Variants in C1orf21 observed in about 807,000 individuals in gnomAD.
C1orf21 encodes chromosome 1 open reading frame 21.
A neutral mutation model predicts 18.7 loss-of-function variants in C1orf21; 3 were observed. The ratio of observed to expected loss-of-function variants is 0.16; its 90% confidence interval spans 0.07 to 0.42. The LOEUF (loss-of-function observed/expected upper bound fraction) is 0.42, where lower values mean the gene tolerates loss of function less well. C1orf21 is among the 10% of genes least tolerant of loss of function. The pLI is 0.99. For synonymous variants in C1orf21, 41 were observed against 46.4 expected (o/e 0.88, Z 0.47); for missense variants, 104 against 143.6 (o/e 0.72, Z 1.41).
chr1:184,498,225 AG>A (rs1229641536), intron 2 of C1orf21, among the ~76,000 whole-genome samples: 4 of 152,186 alleles, frequency 2.6e-5, no homozygotes, highest in Non-Finnish European at 5.9e-5. Context: ...AGATGCTCAA[AG>A]GCTAATGCTT....
At chr1:184,607,006 T>C (rs1659655451) in intron 5 of C1orf21, among the ~76,000 whole-genome samples, 1 of 152,358 alleles carries the variant, frequency 6.6e-6, no homozygotes, top group Non-Finnish European at 1.5e-5. Flanking sequence ...TGAAGTATTA[T>C]GTTATTTCTG....
At chr1:184,438,610 T>G (rs1399550372) in intron 1 of C1orf21, among the ~76,000 whole-genome samples, 1 of 152,158 alleles carries the variant, frequency 6.6e-6, no homozygotes, top group Non-Finnish European at 1.5e-5. Context: ...GGCCAGTGTG[T>G]TGTTACAGGA....
chr1:184,523,719 G>C (rs772774737), intron 3 of C1orf21, among the ~76,000 whole-genome samples: 2 of 152,124 alleles, frequency 1.3e-5, no homozygotes, highest in East Asian at 1.9e-4. Flanking sequence ...TTTTGTGTAA[G>C]TCTAAAACCG....
chr1:184,445,196 A>G (rs967671159), intron 1 of C1orf21, among the ~76,000 whole-genome samples: 1 of 152,158 alleles, frequency 6.6e-6, no homozygotes, highest in African/African-American at 2.4e-5. Flanking sequence ...GCATGTGGGA[A>G]GCTGTCACTG....
intron 3 of C1orf21, among the ~76,000 whole-genome samples, chr1:184,573,689 T>C (rs1659145786): frequency 6.6e-6 from 1 of 152,106 alleles, no homozygotes; most frequent in Admixed American, 6.5e-5. Flanking sequence ...AATAATATGA[T>C]AAGTGGTGAA....
intron 1 of C1orf21, among the ~76,000 whole-genome samples, chr1:184,389,691 G>C (rs1655941282): frequency 6.6e-6 from 1 of 152,212 alleles, no homozygotes; most frequent in African/African-American, 2.4e-5. Context: ...GACCAGGCAA[G>C]CTTTGAGTTT....
At chr1:184,419,586 T>A (rs969492928) in intron 1 of C1orf21, among the ~76,000 whole-genome samples, 1 of 151,700 alleles carries the variant, frequency 6.6e-6, no homozygotes, top group Non-Finnish European at 1.5e-5. Context: ...CAATAAACAA[T>A]ACACACAGTC....
At chr1:184,500,560 G>A (rs1003283506) in intron 2 of C1orf21, among the ~76,000 whole-genome samples, 1 of 152,196 alleles carries the variant, frequency 6.6e-6, no homozygotes, top group East Asian at 1.9e-4. Context: ...ATCATCCTGT[G>A]CATATGCATC....
At chr1:184,466,171 G>A (rs569335114) in intron 1 of C1orf21, among the ~76,000 whole-genome samples, 22 of 152,282 alleles carry the variant, frequency 1.4e-4, no homozygotes, top group African/African-American at 5.1e-4. Context: ...AGCTCATATC[G>A]TGTAACCGTA....
At chr1:184,477,657 T>G (rs1039547681) in intron 2 of C1orf21, 54 bp downstream of exon 2, 35 of 1,373,906 alleles carry the variant, frequency 2.5e-5, no homozygotes, top group Non-Finnish European at 3.6e-5. Flanking sequence ...CTTTCACTTT[T>G]TTTTATTGAT....
At chr1:184,483,157 A>C (rs912031765) in intron 2 of C1orf21, among the ~76,000 whole-genome samples, 1 of 152,170 alleles carries the variant, frequency 6.6e-6, no homozygotes, top group African/African-American at 2.4e-5. Context: ...TCAGATTGGA[A>C]TTTTCCTTCT....
intron 1 of C1orf21, among the ~76,000 whole-genome samples, chr1:184,395,047 T>C (rs1656030262): frequency 6.6e-6 from 1 of 152,142 alleles, no homozygotes; most frequent in South Asian, 2.1e-4. Flanking sequence ...ATCCAAGATA[T>C]TTCTCAAATC....
intron 3 of C1orf21, among the ~76,000 whole-genome samples, chr1:184,542,302 G>A (rs1020742401): frequency 1.3e-5 from 2 of 152,140 alleles, no homozygotes; most frequent in African/African-American, 4.8e-5. Context: ...CTTAGGAAAA[G>A]GTTTTTCGTA....
At chr1:184,423,788 A>C (rs1656584641) in intron 1 of C1orf21, among the ~76,000 whole-genome samples, 3 of 150,674 alleles carry the variant, frequency 2.0e-5, no homozygotes, top group African/African-American at 7.3e-5. Context: ...CCATCCATTC[A>C]TCCCTCCTTC....
At chr1:184,497,342 G>A (rs192226268) in intron 2 of C1orf21, among the ~76,000 whole-genome samples, 15 of 152,322 alleles carry the variant, frequency 9.8e-5, no homozygotes, top group African/African-American at 3.4e-4. Context: ...TAGTCTCTGA[G>A]GGGAAAATAA....
chr1:184,603,752 C>G (rs372566644), intron 5 of C1orf21, among the ~76,000 whole-genome samples: 1 of 152,150 alleles, frequency 6.6e-6, no homozygotes, highest in African/African-American at 2.4e-5. Flanking sequence ...GCAGAGACCA[C>G]GCCACTGCCC....
At chr1:184,486,459 G>A (rs931259547) in intron 2 of C1orf21, among the ~76,000 whole-genome samples, 5 of 152,132 alleles carry the variant, frequency 3.3e-5, no homozygotes, top group African/African-American at 1.2e-4. Context: ...AATAAGGAGA[G>A]CGTCCAGAAC....
chr1:184,399,249 TTC>T (rs1283604771), intron 1 of C1orf21, among the ~76,000 whole-genome samples: 1 of 152,138 alleles, frequency 6.6e-6, no homozygotes, highest in Non-Finnish European at 1.5e-5. Flanking sequence ...TTTATTATAT[TTC>T]TCTGTTTCCT....
At chr1:184,438,457 C>T (rs1321290838) in intron 1 of C1orf21, among the ~76,000 whole-genome samples, 1 of 152,180 alleles carries the variant, frequency 6.6e-6, no homozygotes, top group Non-Finnish European at 1.5e-5. Context: ...TCTCACTGTT[C>T]AGCCCCCTCA....
Sources: gnomAD v4.1 joint callset for allele counts (sites outside exome capture counted in the v4.1 genomes callset) on GRCh38, gnomAD v4.1.1 for gene constraint, MANE v1.5 for transcripts, NCBI Gene and HGNC (gene_info 2026-07-23, HGNC 2026-07-21) for gene names.